SYNE1: variants seen among roughly 807,000 people sequenced by gnomAD.
SYNE1 encodes the protein nesprin-1.
SYNE1 carries 616 observed loss-of-function variants against 1,111.0 expected under a neutral mutation model. The ratio of observed to expected loss-of-function variants is 0.55; its 90% CI spans 0.52 to 0.59. SYNE1 has a LOEUF of 0.59. SYNE1 is among the 20% of genes least tolerant of loss of function. The pLI is 0.00. For synonymous variants in SYNE1, 3,855 were observed against 3,825.8 expected (o/e 1.01, Z -0.28); for missense variants, 10,006 against 10,417.0 (o/e 0.96, Z 1.72).
intron 39 of SYNE1, among the ~76,000 whole-genome samples, chr6:152,421,109 G>A (rs2098252343): frequency 6.6e-6 from 1 of 152,204 alleles, no homozygotes; most frequent in African/African-American, 2.4e-5. Context: ...AAGCCCTTGG[G>A]AAGATTGGCC....
chr6:152,240,328 G>T (rs900756875), intron 107 of SYNE1, among the ~76,000 whole-genome samples: 4 of 148,110 alleles, frequency 2.7e-5, no homozygotes, highest in African/African-American at 1.0e-4. Context: ...AAAAAACATT[G>T]CTTTCCTTCC....
intron 79 of SYNE1, 35 bp from the exon 80 acceptor site, chr6:152,326,137 C>A: frequency 6.2e-7 from 1 of 1,613,914 alleles, no homozygotes; most frequent in Non-Finnish European, 8.5e-7. Context: ...ATAAGTAGCA[C>A]GAAATCACGT....
At chr6:152,544,946 G>A (rs1226420346) in intron 3 of SYNE1, among the ~76,000 whole-genome samples, 1 of 152,108 alleles carries the variant, frequency 6.6e-6, no homozygotes, top group African/African-American at 2.4e-5. Context: ...CATAACAAAT[G>A]TACCAACTAA....
chr6:152,495,767 T>C (rs1352770744), intron 11 of SYNE1, among the ~76,000 whole-genome samples: 1 of 152,166 alleles, frequency 6.6e-6, no homozygotes, highest in Non-Finnish European at 1.5e-5. Context: ...CCCTAGCCAA[T>C]AGGGGAAGGA....
At chr6:152,607,962 T>C (rs1248558306) in intron 3 of SYNE1, among the ~76,000 whole-genome samples, 1 of 151,960 alleles carries the variant, frequency 6.6e-6, no homozygotes, top group African/African-American at 2.4e-5. Context: ...CTGTTGTCAC[T>C]CATAAGTGGG....
chr6:152,170,739 T>C (rs774101730), intron 130 of SYNE1, among the ~76,000 whole-genome samples: 13 of 152,196 alleles, frequency 8.5e-5, no homozygotes, highest in Non-Finnish European at 1.9e-4. Context: ...CTCCACAGCC[T>C]TTGAACTCCC....
At chr6:152,282,129 G>C (rs1310784165) in intron 96 of SYNE1, 149 bp from the exon 97 acceptor site, 7 of 753,936 alleles carry the variant, frequency 9.3e-6, no homozygotes, top group Non-Finnish European at 1.6e-5. Flanking sequence ...CCACATCCCA[G>C]AACAACAATC....
intron 130 of SYNE1, among the ~76,000 whole-genome samples, chr6:152,165,102 G>A (rs2063362998): frequency 6.9e-6 from 1 of 144,876 alleles, no homozygotes; most frequent in South Asian, 2.2e-4. Flanking sequence ...ATTACTTCCA[G>A]GCATTTAAAG....
At chr6:152,297,628 G>T (rs905067475) in intron 93 of SYNE1, among the ~76,000 whole-genome samples, 3 of 152,098 alleles carry the variant, frequency 2.0e-5, no homozygotes, top group African/African-American at 7.2e-5. Context: ...TACATGTAAA[G>T]TAATACTATT....
At position 152,560,897 on chromosome 6, in the gene SYNE1, T is replaced by C. The variant is rs538175354; in HGVS notation, c.68-20876A>G. 1.4e-4 allele frequency among the ~76,000 whole-genome samples: 22 copies of C among 152,202 alleles called. No homozygotes were observed. The East Asian group carries it at 4.1e-3, about 28-fold the overall frequency. Reference sequence around the variant, plus strand: ...ATGATTAAAAACTCAAAAAATTAGGTACAGGAGGAATGTATCTCAACACAA... The same window carrying C: ...ATGATTAAAAACTCAAAAAATTAGGCACAGGAGGAATGTATCTCAACACAA... On this transcript the variant is annotated intron_variant, in intron 3 of 145. Coordinates refer to ENST00000367255, the MANE Select transcript of SYNE1 (RefSeq NM_182961.4).
chr6:152,292,997 A>C (rs1271688307), intron 95 of SYNE1, among the ~76,000 whole-genome samples: 1 of 152,238 alleles, frequency 6.6e-6, no homozygotes, highest in Non-Finnish European at 1.5e-5. Context: ...AACTTGACAC[A>C]TTTTTAACAT....
intron 3 of SYNE1, among the ~76,000 whole-genome samples, chr6:152,569,745 T>A (rs2099437019): frequency 6.6e-6 from 1 of 152,210 alleles, no homozygotes; most frequent in African/African-American, 2.4e-5. Flanking sequence ...TTCAGAGATC[T>A]TCTTGGAGAT....
chr6:152,204,035 C>A (rs2076024338), intron 126 of SYNE1, among the ~76,000 whole-genome samples: 1 of 152,032 alleles, frequency 6.6e-6, no homozygotes, highest in Non-Finnish European at 1.5e-5. Flanking sequence ...CTGAATTGAT[C>A]AACATACAGT....
intron 123 of SYNE1, among the ~76,000 whole-genome samples, chr6:152,211,792 T>G (rs1344709240): frequency 1.3e-5 from 2 of 152,160 alleles, no homozygotes; most frequent in Non-Finnish European, 2.9e-5. Context: ...AAGTTTAGTG[T>G]TTGGTTTACT....
At chr6:152,134,231 A>C (rs994286112) in intron 142 of SYNE1, 1 of 152,288 alleles carries the variant, frequency 6.6e-6, no homozygotes. Context: ...TAGTGCTAGA[A>C]AAAGTTTCTC....
Position 152,132,176 on chromosome 6 carries a change from G to C in SYNE1, c.26040C>G (p.Thr8680=). ...CTGATGTGGGACTCACAGACCCTGA[G>C]GTGTCCAGTTCATCAGCAGAAGACC... ...SSWSSADELD[T]SGSVSPTSGR... is the part of the protein sequence containing the mutation. The change falls in exon 144 of 146, where the codon ACC becomes ACG. Residue 8680 remains threonine (T), a synonymous_variant. Coordinates refer to ENST00000367255, the MANE Select transcript of SYNE1 (RefSeq NM_182961.4). 6.2e-7 allele frequency: 1 copy of C among 1,614,166 alleles called. No individual in the cohort carries two copies. The highest frequency in any genetic ancestry group is 8.5e-7 in the Non-Finnish European group (1 of 1,180,022).
At chr6:152,269,049 A>T in intron 99 of SYNE1, 106 bp downstream of exon 99, 1 of 1,530,234 alleles carries the variant, frequency 6.5e-7, no homozygotes, top group Non-Finnish European at 9.0e-7. Flanking sequence ...ATAAAGAGAC[A>T]CTCTGTCTTT....
At chr6:152,406,637 G>T (rs1387822371) in intron 45 of SYNE1, among the ~76,000 whole-genome samples, 1 of 152,146 alleles carries the variant, frequency 6.6e-6, no homozygotes, top group Non-Finnish European at 1.5e-5. Flanking sequence ...GGAGGCTGAG[G>T]TGGGCAGATC....
intron 105 of SYNE1, among the ~76,000 whole-genome samples, chr6:152,247,750 T>TATATATATACAC (rs1432898834): frequency 6.2e-5 from 7 of 112,362 alleles, no homozygotes; most frequent in East Asian, 2.6e-4. Context: ...TATATATATA[T>TATATATATACAC]ACACACACAC....
Sources: gnomAD v4.1 joint callset for allele counts (sites outside exome capture counted in the v4.1 genomes callset) on GRCh38, gnomAD v4.1.1 for gene constraint, MANE v1.5 for transcripts, NCBI Gene and HGNC (gene_info 2026-07-23, HGNC 2026-07-21) for gene names.